ANKRD11: variants seen among roughly 807,000 people sequenced by gnomAD.
ANKRD11 encodes ankyrin repeat domain 11, also known as ankyrin repeat domain-containing protein 11.
A neutral mutation model predicts 195.7 loss-of-function variants in ANKRD11; 17 were observed. That is an observed-to-expected ratio of 0.09 (90% CI 0.06 to 0.13). The LOEUF (loss-of-function observed/expected upper bound fraction) is 0.13. Ranked by LOEUF, ANKRD11 falls within the 10% of genes least tolerant of loss-of-function variation. ANKRD11 has a pLI of 1.00. For missense variants in ANKRD11, 3,735 were observed against 3,566.1 expected, an observed-to-expected ratio of 1.05 and a Z score of -1.21; for synonymous variants, 1,953 against 1,528.1, an observed-to-expected ratio of 1.28 and a Z score of -6.49.
chr16:89,306,622 CACCT>C (rs200555542), intron 3 of ANKRD11, among the ~76,000 whole-genome samples: 1 of 112,202 alleles, frequency 8.9e-6, no homozygotes, highest in Non-Finnish European at 1.8e-5. Flanking sequence ...AGACACGCGC[CACCT>C]ACCTCCCACT....
At chr16:89,411,825 T>A (rs1207905349) in intron 2 of ANKRD11, among the ~76,000 whole-genome samples, 1 of 152,264 alleles carries the variant, frequency 6.6e-6, no homozygotes, top group African/African-American at 2.4e-5. Context: ...AGACTAGAAT[T>A]CTCAGCAGAA....
chr16:89,423,404 G>A (rs951382307), intron 1 of ANKRD11, among the ~76,000 whole-genome samples: 22 of 152,260 alleles, frequency 1.4e-4, no homozygotes, highest in African/African-American at 5.1e-4. Context: ...TCTTTTCCCT[G>A]CTTCCCACAG....
chr16:89,482,906 A>G (rs1342349708), intron 1 of ANKRD11, among the ~76,000 whole-genome samples: 1 of 152,198 alleles, frequency 6.6e-6, no homozygotes, highest in African/African-American at 2.4e-5. Flanking sequence ...AGACAAGAAC[A>G]CAGATTCTCC....
At chr16:89,430,635 C>T (rs184863615) in intron 1 of ANKRD11, among the ~76,000 whole-genome samples, 4 of 152,352 alleles carry the variant, frequency 2.6e-5, no homozygotes, top group East Asian at 3.9e-4. Flanking sequence ...GGTCAACAAA[C>T]GCCCCTTGGA....
At chr16:89,454,042 AC>A (rs762435145) in intron 1 of ANKRD11, among the ~76,000 whole-genome samples, 29 of 152,196 alleles carry the variant, frequency 1.9e-4, no homozygotes, top group Non-Finnish European at 3.1e-4. Context: ...GGCAGGTAGT[AC>A]ATGTTTCACA....
chr16:89,442,700 C>T (rs1038648286), intron 1 of ANKRD11, among the ~76,000 whole-genome samples: 2 of 152,224 alleles, frequency 1.3e-5, no homozygotes, highest in Non-Finnish European at 2.9e-5. Context: ...TTCCTCCCCA[C>T]CACCCACCAG....
intron 2 of ANKRD11, among the ~76,000 whole-genome samples, chr16:89,371,697 G>A (rs1597817778): frequency 6.6e-6 from 1 of 152,094 alleles, no homozygotes; most frequent in East Asian, 1.9e-4. Flanking sequence ...ATGACTAGAT[G>A]GATATGAGAG....
At chr16:89,364,622 C>G (rs2039870659) in intron 2 of ANKRD11, among the ~76,000 whole-genome samples, 1 of 152,190 alleles carries the variant, frequency 6.6e-6, no homozygotes, top group Admixed American at 6.5e-5. Context: ...GCTTGGGCCA[C>G]ACATAAAATA....
intron 9 of ANKRD11, chr16:89,278,622 T>C (rs1184505234): frequency 2.3e-6 from 1 of 436,740 alleles, no homozygotes; most frequent in South Asian, 1.6e-5. Context: ...AGGGAGGAGG[T>C]GGGGGAAGGG....
chr16:89,442,658 C>T (rs925175180), intron 1 of ANKRD11, among the ~76,000 whole-genome samples: 2 of 152,202 alleles, frequency 1.3e-5, no homozygotes, highest in African/African-American at 2.4e-5. Flanking sequence ...GCCTGTGTCC[C>T]ACAAAGGCCA....
intron 3 of ANKRD11, among the ~76,000 whole-genome samples, chr16:89,311,335 T>C (rs2036596334): frequency 6.6e-6 from 1 of 152,220 alleles, no homozygotes; most frequent in African/African-American, 2.4e-5. Context: ...ATGAGGGCCA[T>C]TGGTCTGTAG....
chr16:89,384,479 G>C (rs541931437), intron 2 of ANKRD11, among the ~76,000 whole-genome samples: 2 of 151,942 alleles, frequency 1.3e-5, no homozygotes, highest in African/African-American at 4.8e-5. Flanking sequence ...GACAAGATGG[G>C]AATGGGACGA....
chr16:89,479,019 C>G (rs1251119110), intron 1 of ANKRD11, among the ~76,000 whole-genome samples: 1 of 152,118 alleles, frequency 6.6e-6, no homozygotes, highest in Non-Finnish European at 1.5e-5. Flanking sequence ...GGCATGATCT[C>G]AGCTCACTGC....
intron 3 of ANKRD11, among the ~76,000 whole-genome samples, chr16:89,315,781 G>A (rs2036917776): frequency 1.3e-5 from 2 of 152,236 alleles, no homozygotes; most frequent in African/African-American, 2.4e-5. Flanking sequence ...CCAAAAAGAA[G>A]TGGACTGAGT....
At chr16:89,406,832 T>C (rs961363879) in intron 2 of ANKRD11, among the ~76,000 whole-genome samples, 3 of 152,014 alleles carry the variant, frequency 2.0e-5, no homozygotes, top group Non-Finnish European at 4.4e-5. Flanking sequence ...AAAGGACAGC[T>C]GTGGAATATG....
Position 89,284,976 on chromosome 16 carries a change from G to T in ANKRD11, c.1566C>A (p.Ser522=). 6.2e-7 allele frequency: 1 copy of T among 1,614,116 alleles called. No homozygotes were observed. Among genetic ancestry groups the T allele is most frequent in the Non-Finnish European group, 8.5e-7 (1 of 1,180,000 alleles). The change falls in exon 9 of 13, where the codon TCC becomes TCA. Residue 522 remains serine (S), a synonymous_variant. Transcript: ENST00000301030. ...CGGCAGAGCTCCCGTGAGACGAGGT[G>T]GAGGAGGCAGAGAGGGAGCTGAACA... The part of the protein sequence containing the change: ...PSLFSSLSAS[S]TSSHGSSAAQ...
At position 89,281,107 on chromosome 16, in the gene ANKRD11, T is replaced by G; in HGVS notation, c.5435A>C (p.Gln1812Pro). Reference sequence around the variant, plus strand: ...GCTGGAGGCAGCAGGAACGCTCTGCTGCCTGAAGAGCTTGTCTCCGACGCT... The same window carrying G: ...GCTGGAGGCAGCAGGAACGCTCTGCGGCCTGAAGAGCTTGTCTCCGACGCT... Reference protein sequence around the residue: ...EFSVGDKLFRQQSVPAASSYD... With the variant: ...EFSVGDKLFRPQSVPAASSYD... Residue 1812 changes from glutamine to proline, a missense_variant, in exon 9 of 13, where the codon CAG becomes CCG. Physicochemically the swap from Gln to Pro is moderately conservative, Grantham distance 76. Transcript: ENST00000301030. The surrounding 1 kb of genome is among the most constrained non-coding windows in gnomAD (Gnocchi z 5.5). 1 of 1,611,516 alleles carries G rather than the reference T, an allele frequency of 6.2e-7. No homozygotes were observed. The highest frequency in any genetic ancestry group is 8.5e-7 in the Non-Finnish European group (1 of 1,177,856).
intron 2 of ANKRD11, among the ~76,000 whole-genome samples, chr16:89,414,430 G>A (rs1359010440): frequency 2.6e-5 from 4 of 152,286 alleles, no homozygotes; most frequent in South Asian, 2.1e-4. Context: ...TCACGCAGCC[G>A]CACCGCCTGA....
At chr16:89,454,906 C>T (rs1343106587) in intron 1 of ANKRD11, among the ~76,000 whole-genome samples, 1 of 107,274 alleles carries the variant, frequency 9.3e-6, no homozygotes, top group Non-Finnish European at 1.9e-5. Flanking sequence ...CAAGCTGCTC[C>T]CCTGGGTGCT....
Sources: gnomAD v4.1 joint callset for allele counts (sites outside exome capture counted in the v4.1 genomes callset) on GRCh38, gnomAD v4.1.1 for gene constraint, Gnocchi (gnomAD v3.1) non-coding constraint, MANE v1.5 for transcripts, NCBI Gene and HGNC (gene_info 2026-07-23, HGNC 2026-07-21) for gene names.